FAM114A2: variants seen among roughly 807,000 people sequenced by gnomAD.
The protein encoded by FAM114A2 is family with sequence similarity 114 member A2, also known as protein FAM114A2.
In FAM114A2, 53 loss-of-function variants were observed where a neutral mutation model predicts 58.4. That is an observed-to-expected ratio of 0.91 (90% confidence interval 0.73 to 1.14). FAM114A2 has a LOEUF of 1.14. FAM114A2 is among the 50% of genes most tolerant of loss of function. The probability of loss-of-function intolerance (pLI) is 0.00; values close to 1 mark genes in which losing one functional copy is unlikely to be tolerated. For synonymous variants in FAM114A2, 228 were observed against 211.4 expected (o/e 1.08, Z -0.68); for missense variants, 601 against 581.1 (o/e 1.03, Z -0.35).
chr5:154,013,682 G>A (rs1770842851), intron 8 of FAM114A2, among the ~76,000 whole-genome samples: 1 of 152,182 alleles, frequency 6.6e-6, no homozygotes, highest in Admixed American at 6.5e-5. Flanking sequence ...AACAAATACT[G>A]TTAATGGCAC....
chr5:154,027,040 TG>T, intron 7 of FAM114A2, 135 bp downstream of exon 7: 1 of 620,908 alleles, frequency 1.6e-6, no homozygotes, highest in Non-Finnish European at 2.8e-6. Flanking sequence ...ATTTATTTTG[TG>T]GTAGTATTTC....
At chr5:154,017,889 A>G (rs1771145472) in intron 8 of FAM114A2, among the ~76,000 whole-genome samples, 1 of 152,174 alleles carries the variant, frequency 6.6e-6, no homozygotes, top group African/African-American at 2.4e-5. Context: ...GACAATAGCG[A>G]TACAACCTAT....
chr5:154,011,075 C>T (rs1275792535), intron 9 of FAM114A2, among the ~76,000 whole-genome samples, 166 bp downstream of exon 9: 1 of 152,172 alleles, frequency 6.6e-6, no homozygotes, highest in Non-Finnish European at 1.5e-5. Flanking sequence ...AACACACTAA[C>T]CTGGAGGAGC....
intron 8 of FAM114A2, among the ~76,000 whole-genome samples, chr5:154,014,290 C>T (rs1284218400): frequency 1.3e-5 from 2 of 152,140 alleles, no homozygotes; most frequent in East Asian, 1.9e-4. Flanking sequence ...GAGATCATGG[C>T]GGACAGGAGG....
At position 153,992,179 on chromosome 5, in the gene FAM114A2, A is replaced by G. The variant is rs1245659027; in HGVS notation, c.*797T>C. 6.6e-6 allele frequency: 1 copy of G among 152,212 alleles called. No individual in the cohort carries two copies. The highest frequency in any genetic ancestry group is 1.9e-4 in the East Asian group (1 of 5,204). 9.4% of individuals were successfully genotyped at this position (152,212 alleles called of 1,614,324 possible). The stretch of plus-strand genomic sequence containing the variant: ...TTTGCTGTTAAAGAATTTATCCTGC[A>G]TATATGGTAGACACGAAACACATCC... On this transcript the variant is annotated 3_prime_UTR_variant, in exon 14 of 14. Transcript: ENST00000351797.
rs761751709 is a variant in FAM114A2, at chr5:154,002,270, T to G, written c.1237A>C (p.Arg413=). The change falls in exon 11 of 14, where the codon AGG becomes CGG. Residue 413 remains arginine (R), a synonymous_variant. Coordinates refer to ENST00000351797, the MANE Select transcript of FAM114A2 (RefSeq NM_018691.4). ...ACTTACTGGGAAAGAGTTTGGCTCCTTTCTATGGCTGTCACTTCCTGCTTC... is the reference window on the plus strand; with the variant it reads ...ACTTACTGGGAAAGAGTTTGGCTCCGTTCTATGGCTGTCACTTCCTGCTTC... ...GRKQEVTAIE[R]SQTLSQMTIV... The G allele has an allele frequency of 1.9e-6, 3 of 1,613,962 alleles. No individual in the cohort carries two copies. Among genetic ancestry groups the G allele is most frequent in the Non-Finnish European group, 2.5e-6 (3 of 1,179,818 alleles).
In FAM114A2 at chr5:153,992,034, C is replaced by T. The variant is rs930815245; in HGVS notation, c.*942G>A. ...CAAAAAGGAAAGAGGAAAAAATAAA[C>T]TATGCCTTAGAAGTTAAATCCTATC... On this transcript the variant is annotated 3_prime_UTR_variant, in exon 14 of 14. Transcript: ENST00000351797. The T allele has an allele frequency of 9.9e-5, 15 of 152,126 alleles. No homozygotes were observed. Among genetic ancestry groups the T allele is most frequent in the African/African-American group, 3.4e-4 (14 of 41,442 alleles). 9.4% of individuals were successfully genotyped at this position (152,126 alleles called of 1,614,324 possible).
At chr5:154,022,289 T>C (rs1324468292) in intron 8 of FAM114A2, among the ~76,000 whole-genome samples, 3 of 152,082 alleles carry the variant, frequency 2.0e-5, no homozygotes, top group Non-Finnish European at 4.4e-5. Context: ...ATAAATGGGA[T>C]CTAATTAAAC....
At chr5:154,006,859 T>C (rs951401747) in intron 9 of FAM114A2, among the ~76,000 whole-genome samples, 2 of 150,734 alleles carry the variant, frequency 1.3e-5, no homozygotes, top group Non-Finnish European at 3.0e-5. Flanking sequence ...TGCAGTGGCA[T>C]GATCTCAGCT....
rs1196681068 is a variant in FAM114A2, at chr5:154,034,791, T to C, written c.163A>G (p.Thr55Ala). ...PVVSTRKRPE[T>A]KPSSDLETSK... ...GTCTCAAGGTCACTGGAAGGTTTGG[T>C]CTCTGGTCTTTTCCGAGTGGAAACT... The change falls in exon 2 of 14, where the codon ACC (threonine) becomes GCC (alanine). Residue 55 changes from threonine (T) to alanine (A), a missense_variant. Coordinates refer to ENST00000351797, the MANE Select transcript of FAM114A2 (RefSeq NM_018691.4). 3.7e-6 allele frequency: 6 copies of C among 1,614,096 alleles called. No individual in the cohort carries two copies. Among genetic ancestry groups the C allele is most frequent in the Admixed American group, 1.7e-5 (1 of 60,022 alleles).
Position 154,002,110 on chromosome 5 carries a change from A to C in FAM114A2, c.1256+141T>G, listed in dbSNP as rs115443635. ...CATGGTTCAATGAAAAGAAAAAAAC[A>C]ACCAAAATGAACAAACCATCTAATA... On this transcript the variant is annotated intron_variant, in intron 11 of 13. Coordinates refer to ENST00000351797, the MANE Select transcript of FAM114A2 (RefSeq NM_018691.4). The C allele has an allele frequency of 3.5e-3, 2,378 of 685,900 alleles. 54 individuals carry two copies. In the African/African-American group the frequency reaches 0.037, roughly 11 times the overall value. 42.5% of individuals were successfully genotyped at this position (685,900 alleles called of 1,614,324 possible).
rs142087152 is a variant in FAM114A2 at position 154,034,298 on chromosome 5, G to A, written c.290C>T (p.Ser97Leu). 5.3e-4 allele frequency: 834 copies of A among 1,587,028 alleles called. 2 individuals carry two copies. Among genetic ancestry groups the A allele is most frequent in the South Asian group, 7.3e-4 (63 of 86,414 alleles). ...CTTACCTACTGTAGCTACTGTAGCC[G>A]AGGCTGAGGAGAGTATGGACTTGCC... is the stretch of plus-strand genomic sequence containing the variant. ...SWGKSILSSA[S>L]ATVATVGQGI... Residue 97 changes from serine to leucine, a missense_variant, in exon 3 of 14, where the codon TCG becomes TTG. Physicochemically the swap from Ser to Leu is moderately radical, Grantham distance 145 (BLOSUM62 -2). Transcript: ENST00000351797.
chr5:153,998,788 C>T (rs1769759501), intron 11 of FAM114A2, among the ~76,000 whole-genome samples: 1 of 152,190 alleles, frequency 6.6e-6, no homozygotes, highest in African/African-American at 2.4e-5. Context: ...AATTACCCAG[C>T]CTCAGATATT....
chr5:154,002,165 TGAGA>T, intron 11 of FAM114A2, 82 bp downstream of exon 11: 1 of 1,317,336 alleles, frequency 7.6e-7, no homozygotes, highest in Non-Finnish European at 1.1e-6. Flanking sequence ...AATGGTTTCT[TGAGA>T]GAGACGTTTA....
At chr5:154,021,185 G>A (rs1179743960) in intron 8 of FAM114A2, among the ~76,000 whole-genome samples, 1 of 152,082 alleles carries the variant, frequency 6.6e-6, no homozygotes, top group East Asian at 1.9e-4. Context: ...CCCACAGCCA[G>A]TATCATACTG....
chr5:153,999,317 C>T (rs1186543947), intron 11 of FAM114A2, among the ~76,000 whole-genome samples: 2 of 152,014 alleles, frequency 1.3e-5, no homozygotes, highest in African/African-American at 2.4e-5. Flanking sequence ...ATCTCACCCC[C>T]GTTAGAATGG....
intron 5 of FAM114A2, 144 bp downstream of exon 5, chr5:154,029,345 A>C (rs1772021830): frequency 3.6e-6 from 2 of 549,516 alleles, no homozygotes; most frequent in East Asian, 7.2e-5. Context: ...TCCACCCATA[A>C]GACCAAAGTG....
At chr5:154,000,707 C>T (rs1043702217) in intron 11 of FAM114A2, among the ~76,000 whole-genome samples, 2 of 152,062 alleles carry the variant, frequency 1.3e-5, no homozygotes, top group African/African-American at 4.8e-5. Flanking sequence ...ACTCATGCTA[C>T]ATAAAAAGGA....
chr5:154,026,495 C>A lies in FAM114A2; in HGVS notation c.817G>T (p.Gly273Ter). The A allele has an allele frequency of 6.5e-7, 1 of 1,544,930 alleles. No individual in the cohort carries two copies. The highest frequency in any genetic ancestry group is 8.7e-7 in the Non-Finnish European group (1 of 1,145,052). ...KVKSILNSLSGEELETLKVEL... is the reference protein window; with the variant it reads ...KVKSILNSLS ...ACTTTTAGAGTCTCTAATTCTTCTC[C>A]ACTCAGAGAATTAAGGATAGATTTC... The change falls in exon 8 of 14, where the codon GGA becomes TGA. Residue 273 changes from glycine to a stop codon, truncating the protein, a stop_gained. Coordinates refer to ENST00000351797, the MANE Select transcript of FAM114A2 (RefSeq NM_018691.4). LOFTEE classifies it high-confidence loss of function.
Sources: gnomAD v4.1 joint callset for allele counts (sites outside exome capture counted in the v4.1 genomes callset) on GRCh38, gnomAD v4.1.1 for gene constraint, MANE v1.5 for transcripts, NCBI Gene and HGNC (gene_info 2026-07-23, HGNC 2026-07-21) for gene names.